Variants in ECD observed in about 807,000 individuals in gnomAD.
ECD encodes ecdysoneless cell cycle regulator, also known as protein ecdysoneless homolog.
A neutral mutation model predicts 77.2 loss-of-function variants in ECD; 59 were observed. The ratio of observed to expected loss-of-function variants is 0.76; its 90% confidence interval spans 0.62 to 0.95. The LOEUF is 0.95. Among genes scored for constraint, ECD ranks in the 40% least tolerant of loss-of-function variants. The probability of loss-of-function intolerance (pLI) is 0.00; values close to 1 mark genes in which losing one functional copy is unlikely to be tolerated. For synonymous variants in ECD, 233 were observed against 267.4 expected (o/e 0.87, Z 1.26); for missense variants, 704 against 763.4 (o/e 0.92, Z 0.92).
intron 13 of ECD, among the ~76,000 whole-genome samples, chr10:73,136,125 C>T (rs1243723715): frequency 1.3e-5 from 2 of 152,170 alleles, no homozygotes; most frequent in Admixed American, 1.3e-4. Context: ...AGGGTTCTTG[C>T]TCTTTCCATA....
At chr10:73,163,602 T>A in intron 2 of ECD, 131 bp downstream of exon 2, 1 of 765,226 alleles carries the variant, frequency 1.3e-6, no homozygotes. Context: ...TAGACAAGTA[T>A]TACTCATCTA....
chr10:73,157,623 G>A (rs932045924), intron 3 of ECD, among the ~76,000 whole-genome samples: 3 of 151,438 alleles, frequency 2.0e-5, no homozygotes, highest in African/African-American at 7.3e-5. Context: ...TCGGGAGGCT[G>A]AGGTAGGAGA....
chr10:73,135,547 C>A (rs916026622), intron 13 of ECD, among the ~76,000 whole-genome samples: 1 of 151,816 alleles, frequency 6.6e-6, no homozygotes, highest in African/African-American at 2.4e-5. Context: ...ATGGTGAAAC[C>A]CTGTCTCTAC....
intron 13 of ECD, 49 bp from the exon 14 acceptor site, chr10:73,134,862 T>G: frequency 6.8e-7 from 1 of 1,472,246 alleles, no homozygotes; most frequent in Non-Finnish European, 9.4e-7. Context: ...ATCATTAGGT[T>G]GCATGGTGGT....
At chr10:73,161,710 C>T (rs1843383564) in intron 2 of ECD, among the ~76,000 whole-genome samples, 1 of 152,132 alleles carries the variant, frequency 6.6e-6, no homozygotes, top group Non-Finnish European at 1.5e-5. Context: ...ACCCTAATAC[C>T]AAAGCCAGAC....
At chr10:73,154,727 G>C (rs1440306526) in intron 5 of ECD, among the ~76,000 whole-genome samples, 3 of 152,124 alleles carry the variant, frequency 2.0e-5, no homozygotes, top group Non-Finnish European at 4.4e-5. Flanking sequence ...GAGGTCAGGA[G>C]ATTGAGGCCA....
At chr10:73,163,596 C>T in intron 2 of ECD, 137 bp downstream of exon 2, 1 of 730,666 alleles carries the variant, frequency 1.4e-6, no homozygotes, top group South Asian at 2.2e-5. Flanking sequence ...TGAATATAGA[C>T]AAGTATTACT....
At chr10:73,139,849 G>GTTTTTT in intron 9 of ECD, 112 bp from the exon 10 acceptor site, 1 of 435,684 alleles carries the variant, frequency 2.3e-6, no homozygotes. Context: ...TTTGGGGAGT[G>GTTTTTT]TTTTTTTTTT....
chr10:73,136,859 C>T lies in ECD; in HGVS notation c.1549G>A (p.Asp517Asn), dbSNP rs1446159511. ...DLDDEDFECL[D>N]SDDDLDFETH... Reference sequence around the variant, plus strand: ...TCAAAGTCCAAGTCATCATCACTATCTAAACATTCAAAGTCTTCATCATCC... The same window carrying T: ...TCAAAGTCCAAGTCATCATCACTATTTAAACATTCAAAGTCTTCATCATCC... The change falls in exon 13 of 14, where the codon GAT becomes AAT. Residue 517 changes from aspartate (D) to asparagine (N), a missense_variant. Physicochemically the swap from Asp to Asn is conservative, Grantham distance 23. Coordinates refer to ENST00000372979, the MANE Select transcript of ECD (RefSeq NM_007265.3). 4 of 1,613,950 alleles carry T rather than the reference C, an allele frequency of 2.5e-6. No individual in the cohort carries two copies. The highest frequency in any genetic ancestry group is 3.4e-6 in the Non-Finnish European group (4 of 1,180,012).
chr10:73,159,153 G>A (rs1342856703), intron 3 of ECD, among the ~76,000 whole-genome samples: 1 of 152,206 alleles, frequency 6.6e-6, no homozygotes, highest in African/African-American at 2.4e-5. Flanking sequence ...GTTCTGTTGG[G>A]AAAGAGGTTG....
Position 73,156,374 on chromosome 10 carries a change from G to T in ECD, c.491C>A (p.Pro164His). 6.2e-7 allele frequency: 1 copy of T among 1,613,574 alleles called. No homozygotes were observed. The highest frequency in any genetic ancestry group is 8.5e-7 in the Non-Finnish European group (1 of 1,179,874). The part of the protein sequence containing the change: ...SGAESWLPTT[P>H]PTIPQALNII... ...ATTCAATGCTTGTGGAATTGTTGGG[G>T]GTGTGGTGGGTAACCAAGATTCTGC... Residue 164 changes from proline to histidine, a missense_variant, in exon 5 of 14, where the codon CCC becomes CAC. By Grantham distance (77) the Pro-to-His change is moderately conservative (BLOSUM62 -2). This residue lies in a region of ECD where 559 missense variants were observed against 583.7 expected (regional missense o/e 0.96). Coordinates refer to ENST00000372979, the MANE Select transcript of ECD (RefSeq NM_007265.3).
At chr10:73,160,627 T>A in intron 2 of ECD, 76 bp from the exon 3 acceptor site, 1 of 1,046,544 alleles carries the variant, frequency 9.6e-7, no homozygotes, top group Non-Finnish European at 1.4e-6. Context: ...ATCATTCAAC[T>A]GAATACACAT....
Position 73,167,958 on chromosome 10 carries a change from GCCGAAGCCTGGATCAGGCTCTGTC to G in ECD, c.-130_-107del, listed in dbSNP as rs1341905676. 1.3e-5 allele frequency: 3 copies of G among 227,330 alleles called. No homozygotes were observed. The highest frequency in any genetic ancestry group is 5.7e-5 in the Admixed American group (1 of 17,626). 14.1% of individuals were successfully genotyped at this position (227,330 alleles called of 1,614,324 possible). ...AGCTGATCGAGAGCTGCCACCGGCC[GCCGAAGCCTGGATCAGGCTCTGTC>G]CCGACGCCTGACCGGAACCTGAAGC... On this transcript the variant is annotated 5_prime_UTR_variant, in exon 1 of 14. Coordinates refer to ENST00000372979, the MANE Select transcript of ECD (RefSeq NM_007265.3).
intron 6 of ECD, 36 bp downstream of exon 6, chr10:73,154,220 G>C (rs1244110208): frequency 6.5e-7 from 1 of 1,543,432 alleles, no homozygotes; most frequent in Non-Finnish European, 8.7e-7. Context: ...TCGGTTTCCA[G>C]TAAGAGAAAC....
chr10:73,137,348 T>C (rs1338081040), intron 12 of ECD, among the ~76,000 whole-genome samples: 1 of 152,182 alleles, frequency 6.6e-6, no homozygotes, highest in African/African-American at 2.4e-5. Context: ...TCTGTACATA[T>C]ATACATATTA....
At chr10:73,163,522 C>G (rs1414078628) in intron 2 of ECD, among the ~76,000 whole-genome samples, 1 of 151,972 alleles carries the variant, frequency 6.6e-6, no homozygotes. Context: ...ATGCTAATTC[C>G]TAAGGCAAAT....
Position 73,167,973 on chromosome 10 carries a change from A to G in ECD, c.-121T>C, listed in dbSNP as rs919926524. ...GCCACCGGCCGCCGAAGCCTGGATC[A>G]GGCTCTGTCCCGACGCCTGACCGGA... On this transcript the variant is annotated 5_prime_UTR_variant, in exon 1 of 14. Transcript: ENST00000372979. 8.0e-6 allele frequency: 2 copies of G among 250,134 alleles called. No homozygotes were observed. The highest frequency in any genetic ancestry group is 1.1e-4 in the Admixed American group (2 of 18,238). The allele number at this position is 250,134 out of a possible 1,614,324, so 15.5% of individuals were successfully genotyped here.
intron 5 of ECD, among the ~76,000 whole-genome samples, chr10:73,155,590 TCTA>T (rs1442429713): frequency 6.7e-6 from 1 of 149,830 alleles, no homozygotes; most frequent in Non-Finnish European, 1.5e-5. Flanking sequence ...CCATTAGGTT[TCTA>T]CTTTTTTTTT....
intron 5 of ECD, 28 bp from the exon 6 acceptor site, chr10:73,154,476 T>A: frequency 6.4e-7 from 1 of 1,572,232 alleles, no homozygotes; most frequent in Non-Finnish European, 8.6e-7. Context: ...ATTACTTTCA[T>A]TTTACAGTAT....
Sources: gnomAD v4.1 joint callset for allele counts (sites outside exome capture counted in the v4.1 genomes callset) on GRCh38, gnomAD v4.1.1 for gene constraint, gnomAD v4.1.1 regional missense constraint, MANE v1.5 for transcripts, NCBI Gene and HGNC (gene_info 2026-07-23, HGNC 2026-07-21) for gene names.